The following LIN7A variants were observed in gnomAD, a reference collection of about 807,000 sequenced individuals.
The protein encoded by LIN7A is protein lin-7 homolog A.
LIN7A carries 25 observed loss-of-function variants against 29.8 expected under a neutral mutation model. That is an observed-to-expected ratio of 0.84 (90% CI 0.61 to 1.17). The LOEUF (loss-of-function observed/expected upper bound fraction) is 1.17. Ranked by LOEUF, LIN7A falls within the 50% of genes most tolerant of loss-of-function variation. The probability of loss-of-function intolerance (pLI) is 0.00; values close to 1 mark genes in which losing one functional copy is unlikely to be tolerated. For missense variants in LIN7A, 239 were observed against 287.0 expected (o/e 0.83, Z 1.21); for synonymous variants, 118 against 107.5 (o/e 1.10, Z -0.60).
At position 80,795,481 on chromosome 12, in the gene LIN7A, T is replaced by C. The variant is rs989491300; in HGVS notation, c.*2246A>G. The C allele has an allele frequency of 3.3e-5, 5 of 151,562 alleles. No individual in the cohort carries two copies. Among genetic ancestry groups the C allele is most frequent in the African/African-American group, 9.7e-5 (4 of 41,410 alleles). 9.4% of individuals were successfully genotyped at this position (151,562 alleles called of 1,614,324 possible). On this transcript the variant is annotated 3_prime_UTR_variant, in exon 6 of 6. Transcript: ENST00000552864. ...CAAAGGTTTCTAGAAAACACAAATGTAAACTATCTTACCATTTGATAGTTG... is the reference window on the plus strand; with the variant it reads ...CAAAGGTTTCTAGAAAACACAAATGCAAACTATCTTACCATTTGATAGTTG...
intron 3 of LIN7A, among the ~76,000 whole-genome samples, chr12:80,847,927 T>C (rs1232767843): frequency 6.6e-6 from 1 of 152,192 alleles, no homozygotes; most frequent in African/African-American, 2.4e-5. Context: ...CTGAATATGA[T>C]ACAGGTTCTT....
intron 2 of LIN7A, among the ~76,000 whole-genome samples, chr12:80,882,287 C>CATTT (rs1875089484): frequency 1.1e-5 from 1 of 87,696 alleles, no homozygotes; most frequent in African/African-American, 3.0e-5. Flanking sequence ...TTCTTTCATT[C>CATTT]TTTTTTTTTT....
At chr12:80,915,159 A>C (rs543519110) in intron 1 of LIN7A, among the ~76,000 whole-genome samples, 17 of 151,684 alleles carry the variant, frequency 1.1e-4, no homozygotes, top group South Asian at 6.2e-4. Flanking sequence ...AAGCAAAAAA[A>C]AAAAAAACAA....
At chr12:80,827,732 C>A (rs998357897) in intron 4 of LIN7A, among the ~76,000 whole-genome samples, 1 of 152,058 alleles carries the variant, frequency 6.6e-6, no homozygotes, top group African/African-American at 2.4e-5. Context: ...GTTTTAATAA[C>A]CCCCCACCCA....
chr12:80,903,924 T>C (rs1228032238), intron 1 of LIN7A, among the ~76,000 whole-genome samples: 4 of 152,146 alleles, frequency 2.6e-5, no homozygotes, highest in African/African-American at 4.8e-5. Context: ...CTTTAATATG[T>C]ATTTATCTGA....
intron 1 of LIN7A, among the ~76,000 whole-genome samples, chr12:80,911,863 T>C (rs1876765158): frequency 6.6e-6 from 1 of 152,244 alleles, no homozygotes; most frequent in African/African-American, 2.4e-5. Flanking sequence ...TGGAAGGCAC[T>C]ATTTTTCAAG....
chr12:80,843,039 A>G (rs780324901), intron 4 of LIN7A, among the ~76,000 whole-genome samples: 6 of 152,120 alleles, frequency 3.9e-5, no homozygotes, highest in Admixed American at 6.5e-5. Context: ...TACTTCAATG[A>G]AAAAATGATG....
chr12:80,927,160 T>TC (rs1477308216), intron 1 of LIN7A, among the ~76,000 whole-genome samples: 4 of 122,928 alleles, frequency 3.3e-5, no homozygotes, highest in Non-Finnish European at 6.9e-5. Context: ...TTTTTCTTTT[T>TC]TTTTTTTTTT....
chr12:80,882,311 G>T, intron 2 of LIN7A, among the ~76,000 whole-genome samples: 1 of 45,306 alleles, frequency 2.2e-5, no homozygotes, highest in Non-Finnish European at 8.1e-5. Context: ...TTGAGACGGA[G>T]TCTCGCTCTG....
intron 4 of LIN7A, among the ~76,000 whole-genome samples, chr12:80,813,538 AAGAT>A (rs1287900321): frequency 6.6e-6 from 1 of 152,166 alleles, no homozygotes; most frequent in East Asian, 1.9e-4. Flanking sequence ...ACATACTTAT[AAGAT>A]AGATACAGAA....
At chr12:80,870,499 T>C (rs144383595) in intron 2 of LIN7A, among the ~76,000 whole-genome samples, 108 of 152,270 alleles carry the variant, frequency 7.1e-4, no homozygotes, top group African/African-American at 2.5e-3. Context: ...GAACAAGAAG[T>C]TGTAAGAGGA....
intron 4 of LIN7A, among the ~76,000 whole-genome samples, chr12:80,825,475 TC>T (rs2121524722): frequency 6.6e-6 from 1 of 152,312 alleles, no homozygotes; most frequent in African/African-American, 2.4e-5. Context: ...CTGATTGAGA[TC>T]CCTCAGAATA....
intron 2 of LIN7A, among the ~76,000 whole-genome samples, chr12:80,853,956 A>T (rs1440059605): frequency 6.6e-6 from 1 of 152,140 alleles, no homozygotes; most frequent in Non-Finnish European, 1.5e-5. Context: ...GGCTTCCCAA[A>T]GTTCTGGGAT....
At chr12:80,808,294 C>T (rs186632575) in intron 5 of LIN7A, among the ~76,000 whole-genome samples, 1 of 152,082 alleles carries the variant, frequency 6.6e-6, no homozygotes, top group Admixed American at 6.5e-5. Flanking sequence ...CTATTTAAAC[C>T]CCCTATTTTT....
chr12:80,889,481 T>C, intron 1 of LIN7A, 112 bp from the exon 2 acceptor site: 1 of 682,238 alleles, frequency 1.5e-6, no homozygotes, highest in Non-Finnish European at 2.5e-6. Context: ...GGACTTAAAT[T>C]GCATAATCAG....
At chr12:80,849,064 T>C (rs1038659916) in intron 2 of LIN7A, among the ~76,000 whole-genome samples, 2 of 152,166 alleles carry the variant, frequency 1.3e-5, no homozygotes, top group African/African-American at 4.8e-5. Context: ...GACTCATCTT[T>C]CCCAGGTGAC....
At chr12:80,816,453 A>G (rs1181152452) in intron 4 of LIN7A, among the ~76,000 whole-genome samples, 1 of 150,520 alleles carries the variant, frequency 6.6e-6, no homozygotes, top group South Asian at 2.1e-4. Flanking sequence ...CACACACACT[A>G]TTATATACAT....
intron 2 of LIN7A, among the ~76,000 whole-genome samples, chr12:80,865,116 C>T (rs190978980): frequency 1.3e-5 from 2 of 152,100 alleles, no homozygotes; most frequent in African/African-American, 4.8e-5. Context: ...TGATTCCATG[C>T]CTGTTTCAAA....
chr12:80,798,133 G>C (rs1870539905), intron 5 of LIN7A, among the ~76,000 whole-genome samples: 1 of 152,132 alleles, frequency 6.6e-6, no homozygotes, highest in Admixed American at 6.5e-5. Flanking sequence ...GCTAGGCTGG[G>C]AGCACCAATA....
Sources: gnomAD v4.1 joint callset for allele counts (sites outside exome capture counted in the v4.1 genomes callset) on GRCh38, gnomAD v4.1.1 for gene constraint, MANE v1.5 for transcripts, NCBI Gene and HGNC (gene_info 2026-07-23, HGNC 2026-07-21) for gene names.